SGMS1: variants seen among roughly 807,000 people sequenced by gnomAD.
SGMS1 encodes sphingomyelin synthase 1.
In SGMS1, 13 loss-of-function variants were observed where a neutral mutation model predicts 46.2. The ratio of observed to expected loss-of-function variants is 0.28; its 90% CI spans 0.18 to 0.45. The LOEUF (loss-of-function observed/expected upper bound fraction) is 0.45. Among genes scored for constraint, SGMS1 ranks in the 20% least tolerant of loss-of-function variants. The probability of loss-of-function intolerance (pLI) is 1.00; values close to 1 mark genes in which losing one functional copy is unlikely to be tolerated. For missense variants in SGMS1, 324 were observed against 519.9 expected (o/e 0.62, Z 3.66); for synonymous variants, 203 against 187.8 (o/e 1.08, Z -0.66).
At position 50,623,923 on chromosome 10, in the gene SGMS1, C is replaced by G; in HGVS notation, c.-900G>C. The G allele has an allele frequency of 4.1e-6, 4 of 986,592 alleles. No individual in the cohort carries two copies. The highest frequency in any genetic ancestry group is 4.8e-6 in the Non-Finnish European group (4 of 830,902). 61.1% of individuals were successfully genotyped at this position (986,592 alleles called of 1,614,324 possible). A position where few individuals can be genotyped will look rare whatever the true frequency, so the allele number is the denominator to read the frequency against. On this transcript the variant is annotated 5_prime_UTR_variant, in exon 1 of 11. Transcript: ENST00000361781. Reference sequence around the variant, plus strand: ...GCAGCCGCTGCCCCGCTGGTGCGAACGCTTTCGACTTGCCACCGCGAGCCT... The same window carrying G: ...GCAGCCGCTGCCCCGCTGGTGCGAAGGCTTTCGACTTGCCACCGCGAGCCT...
At chr10:50,460,322 C>T (rs1015717856) in intron 5 of SGMS1, among the ~76,000 whole-genome samples, 2 of 152,132 alleles carry the variant, frequency 1.3e-5, no homozygotes, top group African/African-American at 4.8e-5. Flanking sequence ...GTTTATGAGA[C>T]ACATTTGCTG....
chr10:50,325,171 A>T (rs988095656), intron 8 of SGMS1, among the ~76,000 whole-genome samples: 1 of 152,202 alleles, frequency 6.6e-6, no homozygotes. Context: ...AAAAAGAAAA[A>T]AGAAAGGAAA....
At chr10:50,450,623 T>C (rs929799931) in intron 5 of SGMS1, among the ~76,000 whole-genome samples, 12 of 152,086 alleles carry the variant, frequency 7.9e-5, no homozygotes, top group Non-Finnish European at 1.6e-4. Flanking sequence ...CCCAAAATAG[T>C]TCAGGAAGAA....
At chr10:50,492,755 C>G (rs902363711) in intron 3 of SGMS1, among the ~76,000 whole-genome samples, 1 of 152,110 alleles carries the variant, frequency 6.6e-6, no homozygotes, top group African/African-American at 2.4e-5. Flanking sequence ...CAATGCTTTC[C>G]TATTAAACCA....
chr10:50,437,972 G>A (rs1199142160), intron 5 of SGMS1, among the ~76,000 whole-genome samples: 4 of 152,178 alleles, frequency 2.6e-5, no homozygotes, highest in Non-Finnish European at 4.4e-5. Flanking sequence ...CCTTTTCATT[G>A]CATTTCTACA....
chr10:50,546,102 T>C (rs761511396), intron 2 of SGMS1, among the ~76,000 whole-genome samples: 5 of 152,176 alleles, frequency 3.3e-5, no homozygotes, highest in African/African-American at 4.8e-5. Flanking sequence ...GACTGCTTGA[T>C]GGCCACCAGG....
intron 6 of SGMS1, among the ~76,000 whole-genome samples, chr10:50,373,883 C>G (rs1352490740): frequency 6.6e-6 from 1 of 152,176 alleles, no homozygotes; most frequent in Non-Finnish European, 1.5e-5. Flanking sequence ...TGTGCTACTC[C>G]TATGGTAGAG....
intron 6 of SGMS1, among the ~76,000 whole-genome samples, chr10:50,394,171 C>T (rs1848812263): frequency 6.6e-6 from 1 of 152,218 alleles, no homozygotes; most frequent in Non-Finnish European, 1.5e-5. Flanking sequence ...TAATGTGACT[C>T]TTGTGATGTT....
At chr10:50,576,339 G>T (rs1243572399) in intron 2 of SGMS1, among the ~76,000 whole-genome samples, 3 of 152,186 alleles carry the variant, frequency 2.0e-5, no homozygotes, top group African/African-American at 7.2e-5. Context: ...GAGGTCTCTT[G>T]TGAAAAGCCA....
intron 1 of SGMS1, among the ~76,000 whole-genome samples, chr10:50,615,567 C>T (rs1267264630): frequency 5.3e-5 from 8 of 152,308 alleles, no homozygotes; most frequent in African/African-American, 1.9e-4. Context: ...GGTCAGGGCT[C>T]TTCACCACTG....
chr10:50,359,394 G>A (rs1197761851), intron 6 of SGMS1, among the ~76,000 whole-genome samples: 3 of 151,986 alleles, frequency 2.0e-5, no homozygotes, highest in Non-Finnish European at 2.9e-5. Flanking sequence ...CCATTCCATC[G>A]TAGTAGCCTC....
chr10:50,388,053 G>T (rs939229969), intron 6 of SGMS1, among the ~76,000 whole-genome samples: 1 of 152,150 alleles, frequency 6.6e-6, no homozygotes, highest in African/African-American at 2.4e-5. Context: ...TATTTAAGGA[G>T]GCAGCTTTAG....
chr10:50,320,259 C>A (rs149054796), intron 8 of SGMS1, among the ~76,000 whole-genome samples: 1 of 152,192 alleles, frequency 6.6e-6, no homozygotes, highest in South Asian at 2.1e-4. Flanking sequence ...GTCTCCCTCA[C>A]GTGAGTACCA....
At position 50,307,462 on chromosome 10, in the gene SGMS1, C is replaced by T. The variant is rs1318960520; in HGVS notation, c.1063-141G>A. ...TATCCCAGCTTCTCTCTCTCATCAC[C>T]ATTCTACACTCCACATTCATCTACA... On this transcript the variant is annotated intron_variant, in intron 10 of 10. Transcript: ENST00000361781. The surrounding 1 kb of genome is among the most constrained non-coding windows in gnomAD (Gnocchi z 4.2). 14 of 654,828 alleles carry T rather than the reference C, an allele frequency of 2.1e-5. No individual in the cohort carries two copies. The highest frequency in any genetic ancestry group is 3.3e-5 in the Non-Finnish European group (13 of 391,210). The allele number at this position is 654,828 out of a possible 1,614,324, so 40.6% of individuals were successfully genotyped here. A position where few individuals can be genotyped will look rare whatever the true frequency, so the allele number is the denominator to read the frequency against.
At chr10:50,351,787 A>G (rs528723216) in intron 6 of SGMS1, among the ~76,000 whole-genome samples, 4 of 152,268 alleles carry the variant, frequency 2.6e-5, no homozygotes, top group Non-Finnish European at 5.9e-5. Flanking sequence ...GGGTGTCTTT[A>G]TTAGTAGTGT....
At chr10:50,543,525 G>A (rs999308350) in intron 2 of SGMS1, among the ~76,000 whole-genome samples, 44 of 152,380 alleles carry the variant, frequency 2.9e-4, no homozygotes, top group African/African-American at 1.0e-3. Context: ...AGAAGTTTCT[G>A]TAGGAACTGG....
At chr10:50,385,594 G>A (rs1437989916) in intron 6 of SGMS1, among the ~76,000 whole-genome samples, 3 of 152,188 alleles carry the variant, frequency 2.0e-5, no homozygotes, top group Non-Finnish European at 2.9e-5. Flanking sequence ...TCTTTTAAGC[G>A]AGTTGTCATG....
chr10:50,307,089 A>G lies in SGMS1; in HGVS notation c.*53T>C. ...TGTTTATTTTATGGCATCTTCTCTC[A>G]TGGAGTTCTTAGCACTTCGGACAAT... On this transcript the variant is annotated 3_prime_UTR_variant, in exon 11 of 11. Transcript: ENST00000361781. This position sits in a 1 kb window ranked among gnomAD's most constrained non-coding sequence, Gnocchi z 4.2. 2 of 1,551,562 alleles carry G rather than the reference A, an allele frequency of 1.3e-6. No homozygotes were observed. Among genetic ancestry groups the G allele is most frequent in the Non-Finnish European group, 1.8e-6 (2 of 1,137,570 alleles).
intron 2 of SGMS1, among the ~76,000 whole-genome samples, chr10:50,522,985 C>T (rs1399778542): frequency 6.6e-6 from 1 of 152,112 alleles, no homozygotes; most frequent in Admixed American, 6.5e-5. Context: ...TTTCTCAATG[C>T]TATGAGACCA....
Sources: gnomAD v4.1 joint callset for allele counts (sites outside exome capture counted in the v4.1 genomes callset) on GRCh38, gnomAD v4.1.1 for gene constraint, Gnocchi (gnomAD v3.1) non-coding constraint, MANE v1.5 for transcripts, NCBI Gene and HGNC (gene_info 2026-07-23, HGNC 2026-07-21) for gene names.